RANBP2: variants seen among roughly 807,000 people sequenced by gnomAD.
The protein encoded by RANBP2 is E3 SUMO-protein ligase RanBP2.
Under a neutral mutation model 303.6 loss-of-function variants are expected in RANBP2, and 57 were observed. The ratio of observed to expected loss-of-function variants is 0.19; its 90% CI spans 0.15 to 0.23. The LOEUF (loss-of-function observed/expected upper bound fraction) is 0.23. RANBP2 is among the 10% of genes least tolerant of loss of function. The pLI, the probability that RANBP2 is intolerant of heterozygous loss-of-function variation, is 1.00. For synonymous variants in RANBP2, 1,167 were observed against 1,301.5 expected (o/e 0.90, Z 2.23); for missense variants, 3,138 against 3,780.8 (o/e 0.83, Z 4.46).
the RANBP2 span, among the ~76,000 whole-genome samples, chr2:108,879,014 T>C: frequency 7.6e-6 from 1 of 131,824 alleles, no homozygotes; most frequent in Non-Finnish European, 1.7e-5. Flanking sequence ...TTAAAAATTA[T>C]AAGTTCTTTA....
At chr2:109,273,118 A>G in the RANBP2 span, among the ~76,000 whole-genome samples, 4 of 152,266 alleles carry the variant, frequency 2.6e-5, no homozygotes, top group Admixed American at 6.5e-5. Context: ...CTTGATGACC[A>G]TCTGGATGAT....
At chr2:109,723,211 G>T in the RANBP2 span, among the ~76,000 whole-genome samples, 1 of 152,272 alleles carries the variant, frequency 6.6e-6, no homozygotes, top group South Asian at 2.1e-4. Flanking sequence ...GAGTGCAGTG[G>T]TATGATCTTG....
the RANBP2 span, among the ~76,000 whole-genome samples, chr2:109,306,811 G>A: frequency 4.6e-5 from 7 of 152,312 alleles, no homozygotes; most frequent in African/African-American, 9.6e-5. Flanking sequence ...GGTTGATTAC[G>A]TATTTCCTAG....
At chr2:109,620,467 C>T in the RANBP2 span, among the ~76,000 whole-genome samples, 9 of 152,058 alleles carry the variant, frequency 5.9e-5, no homozygotes, top group Non-Finnish European at 1.0e-4. Context: ...TTTGGGAGGC[C>T]GAGGCAGGAG....
At chr2:109,213,523 T>C in the RANBP2 span, among the ~76,000 whole-genome samples, 1 of 152,120 alleles carries the variant, frequency 6.6e-6, no homozygotes, top group Non-Finnish European at 1.5e-5. Flanking sequence ...ATATCTGCCA[T>C]CTGAAGCCTC....
At chr2:108,862,077 G>GTTTTTTTTTTTTT in the RANBP2 span, among the ~76,000 whole-genome samples, 2 of 141,386 alleles carry the variant, frequency 1.4e-5, no homozygotes, top group Non-Finnish European at 1.5e-5. Context: ...TATGATTTCA[G>GTTTTTTTTTTTTT]TTTTTTTTTT....
At chr2:109,251,922 C>T in the RANBP2 span, among the ~76,000 whole-genome samples, 3 of 152,036 alleles carry the variant, frequency 2.0e-5, no homozygotes, top group African/African-American at 4.8e-5. Flanking sequence ...GTTCTTAAAT[C>T]GGCAAAAGTA....
chr2:109,651,790 G>A, the RANBP2 span, among the ~76,000 whole-genome samples: 1 of 152,076 alleles, frequency 6.6e-6, no homozygotes, highest in Non-Finnish European at 1.5e-5. Context: ...CTGCATGACT[G>A]TTTCCCAACG....
At chr2:109,197,574 C>T in the RANBP2 span, among the ~76,000 whole-genome samples, 2 of 152,198 alleles carry the variant, frequency 1.3e-5, no homozygotes, top group African/African-American at 4.8e-5. Flanking sequence ...GGGTGGGAGG[C>T]CCTTTTAGGG....
the RANBP2 span, among the ~76,000 whole-genome samples, chr2:109,036,974 T>C: frequency 6.6e-6 from 1 of 152,002 alleles, no homozygotes; most frequent in African/African-American, 2.4e-5. Flanking sequence ...TGAGACCTCG[T>C]CTCTAACAAA....
the RANBP2 span, among the ~76,000 whole-genome samples, chr2:109,204,238 A>G: frequency 2.6e-5 from 4 of 152,200 alleles, no homozygotes; most frequent in Admixed American, 1.3e-4. Context: ...TGGGTGAACC[A>G]TGAAACTTAC....
the RANBP2 span, chr2:108,794,845 C>T: frequency 6.2e-5 from 46 of 736,556 alleles, no homozygotes; most frequent in Middle Eastern, 3.9e-4. Flanking sequence ...AAGAGAAGGA[C>T]GGAAGGGGAC....
chr2:109,655,736 C>T, the RANBP2 span, among the ~76,000 whole-genome samples: 1,081 of 152,192 alleles, frequency 7.1e-3, 7 homozygotes, highest in African/African-American at 0.021. Flanking sequence ...TCCTTAAAGC[C>T]GAAAGATTCT....
At chr2:108,942,834 T>G in the RANBP2 span, among the ~76,000 whole-genome samples, 1 of 152,202 alleles carries the variant, frequency 6.6e-6, no homozygotes, top group African/African-American at 2.4e-5. Flanking sequence ...AACAAAAACA[T>G]TTTCAGGCTC....
the RANBP2 span, among the ~76,000 whole-genome samples, chr2:109,212,147 C>A: frequency 2.0e-5 from 3 of 152,294 alleles, no homozygotes; most frequent in East Asian, 5.8e-4. Context: ...CTCTGGGTGG[C>A]TGTGGTTTTG....
chr2:108,865,145 T>C, the RANBP2 span, among the ~76,000 whole-genome samples: 2 of 152,054 alleles, frequency 1.3e-5, no homozygotes, highest in East Asian at 3.8e-4. Flanking sequence ...ATATATATTT[T>C]ATATAGATAT....
chr2:109,116,836 T>C, the RANBP2 span, among the ~76,000 whole-genome samples: 1 of 150,816 alleles, frequency 6.6e-6, no homozygotes, highest in Admixed American at 6.8e-5. Context: ...TGTTTGTTAG[T>C]TTTCCTTTTA....
chr2:109,078,247 GTATATATATATATATAGCGCGTATA>G, the RANBP2 span, among the ~76,000 whole-genome samples: 2 of 56,418 alleles, frequency 3.5e-5, no homozygotes, highest in African/African-American at 1.5e-4. Context: ...TATATAGCGT[GTATATATATATATATAGCGCGTATA>G]TATATATATA....
At chr2:109,075,375 C>A in the RANBP2 span, among the ~76,000 whole-genome samples, 1 of 150,018 alleles carries the variant, frequency 6.7e-6, no homozygotes, top group Non-Finnish European at 1.5e-5. Flanking sequence ...CAGGCACCTG[C>A]CACCACGCCC....
Sources: gnomAD v4.1 joint callset for allele counts (sites outside exome capture counted in the v4.1 genomes callset) on GRCh38, gnomAD v4.1.1 for gene constraint, MANE v1.5 for transcripts, NCBI Gene and HGNC (gene_info 2026-07-23, HGNC 2026-07-21) for gene names.